The following ABCA3 variants were observed in gnomAD, a reference collection of about 807,000 sequenced individuals.
The protein encoded by ABCA3 is phospholipid-transporting ATPase ABCA3.
A neutral mutation model predicts 172.8 loss-of-function variants in ABCA3; 88 were observed. The observed-to-expected ratio is 0.51, with a 90% CI of 0.43 to 0.61. The LOEUF (loss-of-function observed/expected upper bound fraction) is 0.61. ABCA3 is among the 20% of genes least tolerant of loss of function. ABCA3 has a pLI of 0.00. For missense variants in ABCA3, 2,164 were observed against 2,301.0 expected (o/e 0.94, Z 1.22); for synonymous variants, 1,066 against 983.8 (o/e 1.08, Z -1.56).
Position 2,283,146 on chromosome 16 carries a change from G to T in ABCA3, c.4035+40C>A. On this transcript the variant is annotated intron_variant, in intron 26 of 32. Transcript: ENST00000301732. The surrounding 1 kb of genome is among the most constrained non-coding windows in gnomAD (Gnocchi z 5.4). ...TGCTGGGCCCAAGCAGAGACGTGGG[G>T]AGCATCTCGCCAGTGTCCTGGGCTC... The T allele has an allele frequency of 6.3e-7, 1 of 1,599,212 alleles. No homozygotes were observed.
Position 2,281,578 on chromosome 16 carries a change from G to T in ABCA3, c.4036-69C>A. The T allele has an allele frequency of 6.7e-7, 1 of 1,497,974 alleles. No individual in the cohort carries two copies. Among genetic ancestry groups the T allele is most frequent in the Non-Finnish European group, 9.2e-7 (1 of 1,087,196 alleles). 92.8% of individuals were successfully genotyped at this position (1,497,974 alleles called of 1,614,324 possible). A position where few individuals can be genotyped will look rare whatever the true frequency, so the allele number is the denominator to read the frequency against. ...GGGCGGCTTCCGTGGAGAAGGGAGG[G>T]GCGGGGGTGGATGTGGGAGGTCTGG... On this transcript the variant is annotated intron_variant, in intron 26 of 32. Transcript: ENST00000301732. This position sits in a 1 kb window ranked among gnomAD's most constrained non-coding sequence, Gnocchi z 4.7.
At position 2,284,083 on chromosome 16, in the gene ABCA3, G is replaced by C. The variant is rs1179262534; in HGVS notation, c.3862+196C>G. On this transcript the variant is annotated intron_variant, in intron 25 of 32. Coordinates refer to ENST00000301732, the MANE Select transcript of ABCA3 (RefSeq NM_001089.3). The surrounding 1 kb of genome is among the most constrained non-coding windows in gnomAD (Gnocchi z 5.9). ...AGACACTGAGGCAGGTGGGAGAGTG[G>C]GAGCTCAGGTACAGGGCCTGGGAGC... 2 of 608,586 alleles carry C rather than the reference G, an allele frequency of 3.3e-6. No individual in the cohort carries two copies. The highest frequency in any genetic ancestry group is 3.7e-5 in the African/African-American group (2 of 53,694). The allele number at this position is 608,586 out of a possible 1,614,324, so 37.7% of individuals were successfully genotyped here. A position where few individuals can be genotyped will look rare whatever the true frequency, so the allele number is the denominator to read the frequency against.
In ABCA3 at chr16:2,276,074, T is replaced by C; in HGVS notation, c.*600A>G. 1 of 304,290 alleles carries C rather than the reference T, an allele frequency of 3.3e-6. No individual in the cohort carries two copies. The highest frequency in any genetic ancestry group is 1.0e-4 in the East Asian group (1 of 9,712). 18.8% of individuals were successfully genotyped at this position (304,290 alleles called of 1,614,324 possible). A position where few individuals can be genotyped will look rare whatever the true frequency, so the allele number is the denominator to read the frequency against. Reference sequence around the variant, plus strand: ...TGCCGGCTGCTTCTAGGAGATGCTGTGGGACGGTGCCCGGCTTCGCGGTGA... The same window carrying C: ...TGCCGGCTGCTTCTAGGAGATGCTGCGGGACGGTGCCCGGCTTCGCGGTGA... On this transcript the variant is annotated 3_prime_UTR_variant, in exon 33 of 33. Coordinates refer to ENST00000301732, the MANE Select transcript of ABCA3 (RefSeq NM_001089.3).
chr16:2,297,633 C>A lies in ABCA3; in HGVS notation c.2053-94G>T. 1 of 1,588,578 alleles carries A rather than the reference C, an allele frequency of 6.3e-7. No individual in the cohort carries two copies. Among genetic ancestry groups the A allele is most frequent in the Non-Finnish European group, 8.5e-7 (1 of 1,169,928 alleles). On this transcript the variant is annotated intron_variant, in intron 16 of 32. Transcript: ENST00000301732. The surrounding 1 kb of genome is among the most constrained non-coding windows in gnomAD (Gnocchi z 5.6). ...AGGCCCCATCGAGGGGTTCGCGGAG[C>A]CGGCTTGAGTCCTCCAAGGATGGTG...
chr16:2,298,343 C>T, intron 15 of ABCA3, 43 bp downstream of exon 15: 2 of 1,613,142 alleles, frequency 1.2e-6, no homozygotes, highest in Non-Finnish European at 1.7e-6. Context: ...AACTCGAGCA[C>T]ATCAGTGGAA....
Position 2,325,995 on chromosome 16 carries a change from C to G in ABCA3, c.319+15G>C. On this transcript the variant is annotated intron_variant, in intron 5 of 32. Coordinates refer to ENST00000301732, the MANE Select transcript of ABCA3 (RefSeq NM_001089.3). ...CACCACTAGGCCTGGCACCGAGAGC[C>G]CCGGCATGTCTCACCTCGCATGTTG... 1 of 1,613,300 alleles carries G rather than the reference C, an allele frequency of 6.2e-7. No homozygotes were observed. Among genetic ancestry groups the G allele is most frequent in the Non-Finnish European group, 8.5e-7 (1 of 1,180,022 alleles).
rs746859560 is a variant in ABCA3, at chr16:2,284,331, C to T, written c.3810G>A (p.Thr1270=). The change falls in exon 25 of 33, where the codon ACG becomes ACA. Residue 1270 remains threonine, a synonymous_variant. Transcript: ENST00000301732. This position sits in a 1 kb window ranked among gnomAD's most constrained non-coding sequence, Gnocchi z 5.9. Reference sequence around the variant, plus strand: ...CCTCGGAGGAGGTGCAGTACCTCCGCGTCTCGTAGTTCTCGTAGAAACTGC... The same window carrying T: ...CCTCGGAGGAGGTGCAGTACCTCCGTGTCTCGTAGTTCTCGTAGAAACTGC... ...AVSSFYENYE[T]RRYCTSSEVA... The T allele has an allele frequency of 2.2e-5, 36 of 1,613,918 alleles. No individual in the cohort carries two copies. Among genetic ancestry groups the T allele is most frequent in the Admixed American group, 6.7e-5 (4 of 60,024 alleles).
At position 2,276,587 on chromosome 16, in the gene ABCA3, G is replaced by A; in HGVS notation, c.*87C>T. On this transcript the variant is annotated 3_prime_UTR_variant, in exon 33 of 33. Transcript: ENST00000301732. ...TAGAAAAAAGTGATTAAAAATAAAG[G>A]ATGAGATAAACTTGGAGAGAGAGGA... 1 of 1,576,188 alleles carries A rather than the reference G, an allele frequency of 6.3e-7. No homozygotes were observed. Among genetic ancestry groups the A allele is most frequent in the South Asian group, 1.1e-5 (1 of 88,926 alleles).
rs909677996 is a variant in ABCA3 at position 2,311,036 on chromosome 16, C to T, written c.1112-2413G>A. ...GTCACCAGGCTGGAGTGCAGTGGCA[C>T]GACCTTGGCTCACTGAAACGTCTAC... On this transcript the variant is annotated intron_variant, in intron 10 of 32. Transcript: ENST00000301732. Among the ~76,000 whole-genome samples the T allele has an allele frequency of 5.9e-5, 9 of 151,954 alleles. No homozygotes were observed. In the East Asian group the frequency reaches 1.2e-3, roughly 20 times the overall value.
In ABCA3 at chr16:2,276,063, A is replaced by G. The variant is rs1225832857; in HGVS notation, c.*611T>C. On this transcript the variant is annotated 3_prime_UTR_variant, in exon 33 of 33. Transcript: ENST00000301732. ...CTTCCCTCCTGTGCCGGCTGCTTCT[A>G]GGAGATGCTGTGGGACGGTGCCCGG... 1 of 295,694 alleles carries G rather than the reference A, an allele frequency of 3.4e-6. No homozygotes were observed. Among genetic ancestry groups the G allele is most frequent in the East Asian group, 1.1e-4 (1 of 9,358 alleles). The allele number at this position is 295,694 out of a possible 1,614,324, so 18.3% of individuals were successfully genotyped here.
chr16:2,333,658 G>A (rs542415828), intron 1 of ABCA3, among the ~76,000 whole-genome samples: 1 of 151,916 alleles, frequency 6.6e-6, no homozygotes, highest in East Asian at 1.9e-4. Flanking sequence ...CTTGTACAAG[G>A]TACTAAGGAT....
intron 11 of ABCA3, among the ~76,000 whole-genome samples, chr16:2,308,085 A>G (rs1319608166): frequency 6.6e-6 from 1 of 152,226 alleles, no homozygotes. Flanking sequence ...AAAATAAAAA[A>G]AAATGAAAAC....
intron 12 of ABCA3, among the ~76,000 whole-genome samples, chr16:2,303,270 T>TC (rs2093692354): frequency 6.6e-6 from 1 of 151,520 alleles, no homozygotes; most frequent in East Asian, 1.9e-4. Flanking sequence ...CTCTCTTTTT[T>TC]TTTTTTTTTT....
chr16:2,306,248 C>CT (rs1201178442), intron 11 of ABCA3, among the ~76,000 whole-genome samples: 1 of 152,002 alleles, frequency 6.6e-6, no homozygotes, highest in Non-Finnish European at 1.5e-5. Flanking sequence ...TCACTTGAGC[C>CT]TGGGAGGTCG....
intron 7 of ABCA3, chr16:2,323,296 C>T: frequency 1.7e-6 from 1 of 605,882 alleles, no homozygotes; most frequent in Admixed American, 2.9e-5. Flanking sequence ...CCAGCCATCC[C>T]ATTACTGGGT....
At chr16:2,331,563 A>G (rs950435787) in intron 1 of ABCA3, among the ~76,000 whole-genome samples, 1 of 152,240 alleles carries the variant, frequency 6.6e-6, no homozygotes, top group African/African-American at 2.4e-5. Flanking sequence ...GGCTTTACCT[A>G]AAGTCTCACT....
intron 12 of ABCA3, among the ~76,000 whole-genome samples, chr16:2,302,556 G>A (rs1348411319): frequency 6.6e-6 from 1 of 151,754 alleles, no homozygotes; most frequent in Non-Finnish European, 1.5e-5. Flanking sequence ...TGTGAACATG[G>A]CTCACTGCAG....
At chr16:2,306,996 A>C (rs1280510693) in intron 11 of ABCA3, among the ~76,000 whole-genome samples, 3 of 144,644 alleles carry the variant, frequency 2.1e-5, no homozygotes, top group Non-Finnish European at 3.0e-5. Context: ...GCCTGGGTGA[A>C]AGAGTGAGAG....
intron 14 of ABCA3, 39 bp from the exon 15 acceptor site, chr16:2,298,579 T>C: frequency 6.2e-7 from 1 of 1,608,992 alleles, no homozygotes; most frequent in Non-Finnish European, 8.5e-7. Context: ...AGCATGAAGA[T>C]CCTGCTCGTC....
Sources: allele counts gnomAD v4.1 joint callset (sites outside exome capture counted in the v4.1 genomes callset), GRCh38; gene constraint gnomAD v4.1.1; non-coding constraint Gnocchi (gnomAD v3.1); transcripts MANE v1.5; gene names NCBI Gene and HGNC (gene_info 2026-07-23, HGNC 2026-07-21).